The following RIOX2 variants were observed in gnomAD, a reference collection of about 807,000 sequenced individuals.
RIOX2 encodes the protein ribosomal oxygenase 2, also known as 60S ribosomal protein L27a histidine hydroxylase.
In RIOX2, 43 loss-of-function variants were observed where a neutral mutation model predicts 51.2. The ratio of observed to expected loss-of-function variants is 0.84; its 90% CI spans 0.66 to 1.08. The LOEUF (loss-of-function observed/expected upper bound fraction) is 1.08, where lower values mean the gene tolerates loss of function less well. Among genes scored for constraint, RIOX2 ranks in the 50% least tolerant of loss-of-function variants. The probability of loss-of-function intolerance (pLI) is 0.00; values close to 1 mark genes in which losing one functional copy is unlikely to be tolerated. For missense variants in RIOX2, 566 were observed against 561.7 expected (o/e 1.01, Z -0.08); for synonymous variants, 226 against 218.5 (o/e 1.03, Z -0.30).
intron 8 of RIOX2, among the ~76,000 whole-genome samples, chr3:97,946,350 C>A (rs1171865125): frequency 2.0e-5 from 3 of 151,586 alleles, no homozygotes; most frequent in African/African-American, 7.3e-5. Context: ...GCTGTGTGAT[C>A]GATAAAAAAC....
At chr3:97,972,108 G>C (rs925027358) in intron 1 of RIOX2, 1 of 152,168 alleles carries the variant, frequency 6.6e-6, no homozygotes, top group Non-Finnish European at 1.5e-5. Flanking sequence ...AGCAGGCCAC[G>C]TGTGCGACTC....
rs183011211 is a variant in RIOX2, at chr3:97,954,451, C to G, written c.726G>C (p.Ala242=). The G allele has an allele frequency of 6.2e-7, 1 of 1,614,056 alleles. No individual in the cohort carries two copies. The highest frequency in any genetic ancestry group is 8.5e-7 in the Non-Finnish European group (1 of 1,179,978). The part of the protein sequence containing the change: ...LYFPRGTIHQ[A]DTPAGLAHST... ...AGTGGGCCAGCCCCGCAGGAGTGTC[C>G]GCTTGATGAATGGTTCCTCTGGGAA... Residue 242 remains alanine, a synonymous_variant, in exon 5 of 10, where the codon GCG becomes GCC. Transcript: ENST00000394198.
chr3:97,947,349 T>C lies in RIOX2; in HGVS notation c.1149+12A>G. 1 of 1,599,852 alleles carries C rather than the reference T, an allele frequency of 6.3e-7. No individual in the cohort carries two copies. The highest frequency in any genetic ancestry group is 8.6e-7 in the Non-Finnish European group (1 of 1,169,004). On this transcript the variant is annotated intron_variant, in intron 8 of 9. Coordinates refer to ENST00000394198, the MANE Select transcript of RIOX2 (RefSeq NM_153182.4). Reference sequence around the variant, plus strand: ...TGAGAAGACAGGAAATCTCCTCCTCTTGGATACTCACAGATTGATCTTGAT... The same window carrying C: ...TGAGAAGACAGGAAATCTCCTCCTCCTGGATACTCACAGATTGATCTTGAT...
At position 97,959,306 on chromosome 3, in the gene RIOX2, GTTTTTTTT is replaced by G. The variant is rs67345115; in HGVS notation, c.553-135_553-128del. The G allele has an allele frequency of 1.4e-4, 34 of 237,448 alleles. 1 individual carries two copies. The highest frequency in any genetic ancestry group is 8.8e-4 in the African/African-American group (28 of 31,946). The allele number at this position is 237,448 out of a possible 1,614,324, so 14.7% of individuals were successfully genotyped here. ...TATAGGTGAACCTTGAACAACACAGGTTTTTTTTTTTTTTTTTTTTTTTTAGTTGTTAT... is the reference window on the plus strand; with the variant it reads ...TATAGGTGAACCTTGAACAACACAGGTTTTTTTTTTTTTTTTAGTTGTTAT... On this transcript the variant is annotated intron_variant, in intron 3 of 9. Transcript: ENST00000394198.
Position 97,945,812 on chromosome 3 carries a change from C to T in RIOX2, c.1225G>A (p.Glu409Lys), listed in dbSNP as rs2040342383. ...NSRETHMMGN[E>K]EETEFHGLRF... ...TTGAAACAAACCTCTGTTTCCTCCT[C>T]ATTTCCCATCATGTGTGTCTCTCTA... Residue 409 changes from glutamate to lysine, a missense_variant, in exon 9 of 10, where the codon GAG becomes AAG. Coordinates refer to ENST00000394198, the MANE Select transcript of RIOX2 (RefSeq NM_153182.4). The T allele has an allele frequency of 6.2e-7, 1 of 1,609,854 alleles. No individual in the cohort carries two copies. The highest frequency in any genetic ancestry group is 1.3e-5 in the African/African-American group (1 of 74,764).
intron 2 of RIOX2, 73 bp from the exon 3 acceptor site, chr3:97,961,781 A>G: frequency 1.4e-6 from 2 of 1,480,646 alleles, no homozygotes; most frequent in South Asian, 2.8e-5. Context: ...GAATAAGAGC[A>G]TGTTCTTGTT....
At chr3:97,952,302 C>T in intron 5 of RIOX2, 1 of 1,135,812 alleles carries the variant, frequency 8.8e-7, no homozygotes, top group Non-Finnish European at 1.2e-6. Context: ...GATCATGGTA[C>T]CCACCCACAA....
intron 5 of RIOX2, 187 bp from the exon 6 acceptor site, chr3:97,951,075 T>C: frequency 1.8e-6 from 1 of 543,758 alleles, no homozygotes; most frequent in South Asian, 2.5e-5. Flanking sequence ...TCAACCACCC[T>C]GTTTCCTCCC....
Position 97,967,341 on chromosome 3 carries a change from C to T in RIOX2, c.253G>A (p.Asp85Asn). ...CCCCGGCTGCACAGACTCTTCAGATCTGTTAGCTTGAACAGGGACCCATAG... is the reference window on the plus strand; with the variant it reads ...CCCCGGCTGCACAGACTCTTCAGATTTGTTAGCTTGAACAGGGACCCATAG... ...TYYGSLFKLTDLKSLCSRGMY... is the reference protein window; with the variant it reads ...TYYGSLFKLTNLKSLCSRGMY... The change falls in exon 2 of 10, where the codon GAT becomes AAT. Residue 85 changes from aspartate (D) to asparagine (N), a missense_variant. Coordinates refer to ENST00000394198, the MANE Select transcript of RIOX2 (RefSeq NM_153182.4). The T allele has an allele frequency of 6.2e-7, 1 of 1,614,226 alleles. No homozygotes were observed. Among genetic ancestry groups the T allele is most frequent in the Non-Finnish European group, 8.5e-7 (1 of 1,180,030 alleles).
Position 97,967,284 on chromosome 3 carries a change from G to A in RIOX2, c.310C>T (p.Arg104Trp), listed in dbSNP as rs752086047. ...MYYGRDVNVCRCVNGKKKVLN... is the reference protein window; with the variant it reads ...MYYGRDVNVCWCVNGKKKVLN... ...ACCTTCTTCTTCCCATTGACACACC[G>A]GCAGACATTCACATCTCTTCCATAG... The change falls in exon 2 of 10, where the codon CGG (arginine) becomes TGG (tryptophan). Residue 104 changes from arginine to tryptophan, a missense_variant. By Grantham distance (101) the Arg-to-Trp change is moderately radical. Coordinates refer to ENST00000394198, the MANE Select transcript of RIOX2 (RefSeq NM_153182.4). 1.5e-5 allele frequency: 25 copies of A among 1,613,890 alleles called. No homozygotes were observed. The highest frequency in any genetic ancestry group is 2.2e-5 in the South Asian group (2 of 91,078).
chr3:97,950,917 A>G, intron 5 of RIOX2, 29 bp from the exon 6 acceptor site: 9 of 1,538,396 alleles, frequency 5.9e-6, no homozygotes, highest in Non-Finnish European at 8.1e-6. Context: ...GGGAAAAAAA[A>G]ACCAAAACAG....
chr3:97,965,126 T>C (rs910579729), intron 2 of RIOX2, among the ~76,000 whole-genome samples: 3 of 149,558 alleles, frequency 2.0e-5, no homozygotes, highest in Admixed American at 6.7e-5. Context: ...CCTTATAATA[T>C]AGCACTTAGA....
At chr3:97,970,399 G>T (rs1046876519) in intron 1 of RIOX2, among the ~76,000 whole-genome samples, 2 of 152,174 alleles carry the variant, frequency 1.3e-5, no homozygotes, top group Non-Finnish European at 2.9e-5. Flanking sequence ...TTATTTCTCT[G>T]ATTCTCACAC....
intron 2 of RIOX2, among the ~76,000 whole-genome samples, chr3:97,962,361 C>G (rs891094600): frequency 0.052 from 5,554 of 106,750 alleles, 545 homozygotes; most frequent in Non-Finnish European, 0.078. Context: ...CTAAGACCCC[C>G]CCCCCCCCCC....
At chr3:97,964,646 G>T (rs755071770) in intron 2 of RIOX2, among the ~76,000 whole-genome samples, 9 of 143,902 alleles carry the variant, frequency 6.3e-5, no homozygotes, top group African/African-American at 2.4e-4. Flanking sequence ...GTAGTGAGCC[G>T]AGATTGCGTC....
intron 1 of RIOX2, among the ~76,000 whole-genome samples, chr3:97,970,446 T>G (rs1706084603): frequency 6.6e-6 from 1 of 152,238 alleles, no homozygotes; most frequent in African/African-American, 2.4e-5. Context: ...TCTTAACAGC[T>G]TTCTAGAGCA....
chr3:97,945,696 T>G, intron 9 of RIOX2, 102 bp downstream of exon 9: 1 of 883,842 alleles, frequency 1.1e-6, no homozygotes, highest in Non-Finnish European at 1.8e-6. Flanking sequence ...AAGTCCACAG[T>G]GCAGCCATAA....
At chr3:97,961,479 C>A in intron 3 of RIOX2, 110 bp downstream of exon 3, 1 of 1,201,376 alleles carries the variant, frequency 8.3e-7, no homozygotes. Flanking sequence ...AGAGCGAATA[C>A]AGACCTAAGA....
At position 97,945,359 on chromosome 3, in the gene RIOX2, A is replaced by G; in HGVS notation, c.1240-17T>C. On this transcript the variant is annotated splice_polypyrimidine_tract_variant and intron_variant, in intron 9 of 9. Coordinates refer to ENST00000394198, the MANE Select transcript of RIOX2 (RefSeq NM_153182.4). ...TCCATGAAACTGAAAGGATAAATTT[A>G]TTTGTCAAAATATATGTATACTACT... 8.7e-6 allele frequency: 14 copies of G among 1,603,814 alleles called. No homozygotes were observed. The highest frequency in any genetic ancestry group is 1.2e-5 in the Non-Finnish European group (14 of 1,174,814).
Sources: gnomAD v4.1 joint callset for allele counts (sites outside exome capture counted in the v4.1 genomes callset) on GRCh38, gnomAD v4.1.1 for gene constraint, MANE v1.5 for transcripts, NCBI Gene and HGNC (gene_info 2026-07-23, HGNC 2026-07-21) for gene names.